The following B3GLCT variants were observed in gnomAD, a reference collection of about 807,000 sequenced individuals.
B3GLCT encodes beta 3-glucosyltransferase.
In B3GLCT, 65 loss-of-function variants were observed where a neutral mutation model predicts 63.4. The ratio of observed to expected loss-of-function variants is 1.03; its 90% CI spans 0.84 to 1.26. The LOEUF (loss-of-function observed/expected upper bound fraction) is 1.26. Ranked by LOEUF, B3GLCT falls within the 50% of genes most tolerant of loss-of-function variation. B3GLCT has a pLI of 0.00. For missense variants in B3GLCT, 577 were observed against 604.8 expected, an observed-to-expected ratio of 0.95 and a Z score of 0.48; for synonymous variants, 233 against 219.2, an observed-to-expected ratio of 1.06 and a Z score of -0.55.
rs576072702 is a variant in B3GLCT at position 31,330,910 on chromosome 13, C to A, written c.*1242C>A. ...TTATAGCCCAGCACAGAATTTAAAG[C>A]CATACCACCAAAAGTACCTGTGTGT... On this transcript the variant is annotated 3_prime_UTR_variant, in exon 15 of 15. Transcript: ENST00000343307. 1.3e-5 allele frequency: 2 copies of A among 152,028 alleles called. No homozygotes were observed. The highest frequency in any genetic ancestry group is 6.5e-5 in the Admixed American group (1 of 15,268). The allele number at this position is 152,028 out of a possible 1,614,324, so 9.4% of individuals were successfully genotyped here. A position where few individuals can be genotyped will look rare whatever the true frequency, so the allele number is the denominator to read the frequency against.
intron 7 of B3GLCT, among the ~76,000 whole-genome samples, chr13:31,265,650 AT>A (rs758754535): frequency 6.6e-6 from 1 of 152,380 alleles, no homozygotes; most frequent in Non-Finnish European, 1.5e-5. Context: ...AATTAAAACA[AT>A]ACTTTCATTT....
chr13:31,219,796 T>A (rs1025442020), intron 2 of B3GLCT, among the ~76,000 whole-genome samples: 4 of 152,236 alleles, frequency 2.6e-5, no homozygotes, highest in Admixed American at 2.0e-4. Context: ...GCATAAGCCA[T>A]CTTTCCTACC....
chr13:31,251,493 C>G (rs1365030740), intron 6 of B3GLCT, among the ~76,000 whole-genome samples: 1 of 152,140 alleles, frequency 6.6e-6, no homozygotes, highest in African/African-American at 2.4e-5. Flanking sequence ...GAATTGCTAA[C>G]TAGAATAACC....
At chr13:31,276,977 G>C (rs376790604) in intron 10 of B3GLCT, among the ~76,000 whole-genome samples, 1 of 152,090 alleles carries the variant, frequency 6.6e-6, no homozygotes, top group African/African-American at 2.4e-5. Context: ...GTATTGAAAC[G>C]TGAGTGGTCA....
At chr13:31,270,449 C>G (rs1872531560) in intron 8 of B3GLCT, among the ~76,000 whole-genome samples, 1 of 152,304 alleles carries the variant, frequency 6.6e-6, no homozygotes, top group East Asian at 1.9e-4. Context: ...AAACCAAGTT[C>G]TGCCTAGATA....
At chr13:31,249,418 CTT>C (rs58738734) in intron 6 of B3GLCT, among the ~76,000 whole-genome samples, 56,646 of 151,916 alleles carry the variant, frequency 0.37, 11,266 homozygotes, top group East Asian at 0.72. Context: ...CATCTGTGCA[CTT>C]TCTGCCATGT....
chr13:31,289,216 A>G (rs1593299245), intron 12 of B3GLCT, among the ~76,000 whole-genome samples: 1 of 152,230 alleles, frequency 6.6e-6, no homozygotes, highest in East Asian at 1.9e-4. Flanking sequence ...AAAAATGAAA[A>G]AGAATGAAAA....
intron 6 of B3GLCT, among the ~76,000 whole-genome samples, chr13:31,258,829 AC>A (rs1467210066): frequency 4.6e-5 from 7 of 152,092 alleles, no homozygotes; most frequent in Non-Finnish European, 8.8e-5. Context: ...CAACTTGATG[AC>A]TTTTGTTAGT....
At chr13:31,274,399 C>A in intron 8 of B3GLCT, 110 bp from the exon 9 acceptor site, 4 of 1,406,590 alleles carry the variant, frequency 2.8e-6, no homozygotes, top group Middle Eastern at 1.9e-4. Context: ...TATGGTTCAG[C>A]CTACTCTCTA....
At chr13:31,245,415 A>G (rs1174191859) in intron 4 of B3GLCT, among the ~76,000 whole-genome samples, 1 of 152,210 alleles carries the variant, frequency 6.6e-6, no homozygotes, top group Non-Finnish European at 1.5e-5. Context: ...TTTTAATTGA[A>G]GGATTTTTAA....
Position 31,331,861 on chromosome 13 carries a change from T to G in B3GLCT, c.*2193T>G, listed in dbSNP as rs1875944439. 6.6e-6 allele frequency: 1 copy of G among 152,228 alleles called. No individual in the cohort carries two copies. Among genetic ancestry groups the G allele is most frequent in the African/African-American group, 2.4e-5 (1 of 41,468 alleles). 9.4% of individuals were successfully genotyped at this position (152,228 alleles called of 1,614,324 possible). ...CCTTTGCTTTGAAATAGGGCTTTCC[T>G]TCCAAATGGCTATTTTTAGGCTAGG... On this transcript the variant is annotated 3_prime_UTR_variant, in exon 15 of 15. Transcript: ENST00000343307.
intron 12 of B3GLCT, among the ~76,000 whole-genome samples, chr13:31,314,323 C>T (rs1315846369): frequency 6.6e-6 from 1 of 152,200 alleles, no homozygotes; most frequent in Non-Finnish European, 1.5e-5. Context: ...CGCAGACACT[C>T]AATGTCAGCC....
chr13:31,324,038 A>G, intron 14 of B3GLCT, 143 bp downstream of exon 14: 1 of 1,119,856 alleles, frequency 8.9e-7, no homozygotes, highest in Non-Finnish European at 1.3e-6. Flanking sequence ...GTCCTTAACC[A>G]GGACTGTTAC....
intron 7 of B3GLCT, among the ~76,000 whole-genome samples, chr13:31,267,613 T>C (rs551062933): frequency 6.6e-6 from 1 of 152,216 alleles, no homozygotes; most frequent in African/African-American, 2.4e-5. Flanking sequence ...GTGACAGATA[T>C]TATATGGGGC....
At chr13:31,258,976 T>G (rs1317830968) in intron 6 of B3GLCT, among the ~76,000 whole-genome samples, 1 of 152,200 alleles carries the variant, frequency 6.6e-6, no homozygotes, top group African/African-American at 2.4e-5. Flanking sequence ...CCCTTTTTTT[T>G]CTTATATCAG....
At chr13:31,278,678 A>G (rs1015971855) in intron 10 of B3GLCT, among the ~76,000 whole-genome samples, 4 of 152,230 alleles carry the variant, frequency 2.6e-5, no homozygotes, top group Non-Finnish European at 4.4e-5. Context: ...CCAAGCCACC[A>G]CTGGGCTCTG....
intron 4 of B3GLCT, among the ~76,000 whole-genome samples, chr13:31,241,459 A>G (rs1870938821): frequency 1.3e-5 from 2 of 152,188 alleles, no homozygotes; most frequent in African/African-American, 4.8e-5. Context: ...GTGGTGTGTG[A>G]TGCCCAGCAG....
chr13:31,264,062 C>A (rs747999161), intron 7 of B3GLCT, among the ~76,000 whole-genome samples: 1 of 152,096 alleles, frequency 6.6e-6, no homozygotes, highest in Non-Finnish European at 1.5e-5. Flanking sequence ...TGCTGTGTCC[C>A]CTCATCTGGG....
At chr13:31,254,011 G>A (rs1296707636) in intron 6 of B3GLCT, among the ~76,000 whole-genome samples, 1 of 152,186 alleles carries the variant, frequency 6.6e-6, no homozygotes, top group African/African-American at 2.4e-5. Context: ...CCAATAGCAA[G>A]TTCTGTAATT....
Sources: gnomAD v4.1 joint callset for allele counts (sites outside exome capture counted in the v4.1 genomes callset) on GRCh38, gnomAD v4.1.1 for gene constraint, MANE v1.5 for transcripts, NCBI Gene and HGNC (gene_info 2026-07-23, HGNC 2026-07-21) for gene names.